The following GALNTL6 variants were observed in gnomAD, a reference collection of about 807,000 sequenced individuals.
GALNTL6 encodes polypeptide N-acetylgalactosaminyltransferase like 6, also known as polypeptide N-acetylgalactosaminyltransferase-like 6.
Under a neutral mutation model 73.7 loss-of-function variants are expected in GALNTL6, and 46 were observed. That is an observed-to-expected ratio of 0.62 (90% CI 0.49 to 0.80). GALNTL6 has a LOEUF of 0.80. GALNTL6 is among the 30% of genes least tolerant of loss of function. The pLI is 0.00. For synonymous variants in GALNTL6, 259 were observed against 263.7 expected, an observed-to-expected ratio of 0.98 and a Z score of 0.17; for missense variants, 604 against 755.0, an observed-to-expected ratio of 0.80 and a Z score of 2.34.
intron 2 of GALNTL6, among the ~76,000 whole-genome samples, chr4:171,986,857 G>A (rs189232536): frequency 5.6e-4 from 86 of 152,302 alleles, no homozygotes; most frequent in African/African-American, 2.0e-3. Flanking sequence ...TGCCAGCAGA[G>A]ATTATTTATT....
At chr4:172,569,501 A>G (rs1736683891) in intron 5 of GALNTL6, among the ~76,000 whole-genome samples, 1 of 152,194 alleles carries the variant, frequency 6.6e-6, no homozygotes, top group South Asian at 2.1e-4. Context: ...ATGATGAGGA[A>G]AAAGATTGGA....
At chr4:172,899,870 T>C (rs1318271979) in intron 8 of GALNTL6, among the ~76,000 whole-genome samples, 1 of 152,176 alleles carries the variant, frequency 6.6e-6, no homozygotes, top group Non-Finnish European at 1.5e-5. Flanking sequence ...CCATGGCATT[T>C]GTAAACTGTC....
At chr4:171,964,172 T>C (rs1421847536) in intron 2 of GALNTL6, among the ~76,000 whole-genome samples, 1 of 124,684 alleles carries the variant, frequency 8.0e-6, no homozygotes, top group Non-Finnish European at 1.7e-5. Flanking sequence ...CTGTAAGCAA[T>C]ACTTTTTTTT....
In GALNTL6 at chr4:172,725,506, C is replaced by G. The variant is rs115709249; in HGVS notation, c.554-83855C>G. The stretch of plus-strand genomic sequence containing the variant: ...AGGGGTTGTAATATAACTGGAGAGA[C>G]TCTTTATCAAAGATAATCAAAATTA... On this transcript the variant is annotated intron_variant, in intron 5 of 12. Transcript: ENST00000506823. 3.1e-3 allele frequency among the ~76,000 whole-genome samples: 477 copies of G among 152,260 alleles called. 3 individuals carry two copies. Among genetic ancestry groups the G allele is most frequent in the African/African-American group, 0.011 (450 of 41,546 alleles).
intron 10 of GALNTL6, among the ~76,000 whole-genome samples, chr4:172,984,718 G>T (rs1751220871): frequency 6.6e-6 from 1 of 152,094 alleles, no homozygotes; most frequent in African/African-American, 2.4e-5. Context: ...TCAGTATCAT[G>T]CAGTATCCTC....
chr4:172,144,712 C>T (rs1342088230), intron 2 of GALNTL6, among the ~76,000 whole-genome samples: 1 of 152,144 alleles, frequency 6.6e-6, no homozygotes, highest in Non-Finnish European at 1.5e-5. Flanking sequence ...TGTTTCCCAT[C>T]TTAAAAGCAA....
intron 9 of GALNTL6, among the ~76,000 whole-genome samples, chr4:172,940,582 C>T (rs1034174527): frequency 3.3e-5 from 5 of 151,854 alleles, no homozygotes; most frequent in East Asian, 3.9e-4. Context: ...AGGATGGTCT[C>T]GATCTCTTGA....
intron 2 of GALNTL6, among the ~76,000 whole-genome samples, chr4:172,126,205 G>A (rs1026041413): frequency 3.3e-5 from 5 of 152,074 alleles, no homozygotes; most frequent in Non-Finnish European, 7.4e-5. Flanking sequence ...TAAAACTTAA[G>A]AAGTCAATAA....
intron 5 of GALNTL6, among the ~76,000 whole-genome samples, chr4:172,418,975 T>G (rs963588713): frequency 3.3e-5 from 5 of 152,194 alleles, no homozygotes; most frequent in African/African-American, 1.2e-4. Flanking sequence ...ACTTTTTTAG[T>G]TATTTGTTTT....
At chr4:172,362,328 A>G (rs1400978828) in intron 5 of GALNTL6, among the ~76,000 whole-genome samples, 1 of 152,150 alleles carries the variant, frequency 6.6e-6, no homozygotes, top group Non-Finnish European at 1.5e-5. Context: ...AATTAATTTG[A>G]TAATTTAAGT....
chr4:172,470,333 AG>A (rs1732999641), intron 5 of GALNTL6, among the ~76,000 whole-genome samples: 1 of 152,190 alleles, frequency 6.6e-6, no homozygotes, highest in South Asian at 2.1e-4. Flanking sequence ...GCATTTACCT[AG>A]AAAAAACTTA....
rs541233315 is a variant in GALNTL6 at position 172,018,457 on chromosome 4, C to T, written c.138+203739C>T. ...GTTCCAGAGGGGAGTATGGCTGCCT[C>T]TGCTGTGCAGTATAGTTTGCCAGGG... On this transcript the variant is annotated intron_variant, in intron 2 of 12. Coordinates refer to ENST00000506823, the MANE Select transcript of GALNTL6 (RefSeq NM_001034845.3). Among the ~76,000 whole-genome samples the T allele has an allele frequency of 9.2e-5, 14 of 152,132 alleles. No individual in the cohort carries two copies. The South Asian group carries it at 2.5e-3, about 27-fold the overall frequency.
chr4:172,935,035 C>G lies in GALNTL6; in HGVS notation c.1149+3767C>G, dbSNP rs1748534597. On this transcript the variant is annotated intron_variant, in intron 9 of 12. Transcript: ENST00000506823. ...GATCTGTGACAGGTGGCTGTAACAGCAGGGACATGTCAGAAGTGGAGAGCA... is the reference window on the plus strand; with the variant it reads ...GATCTGTGACAGGTGGCTGTAACAGGAGGGACATGTCAGAAGTGGAGAGCA... Among the ~76,000 whole-genome samples the G allele has an allele frequency of 2.0e-5, 3 of 152,304 alleles. No individual in the cohort carries two copies. In the South Asian group the frequency reaches 6.2e-4, roughly 32 times the overall value.
chr4:172,731,331 T>C (rs1235432739), intron 5 of GALNTL6, among the ~76,000 whole-genome samples: 1 of 152,176 alleles, frequency 6.6e-6, no homozygotes, highest in Non-Finnish European at 1.5e-5. Context: ...TTTTTCATTG[T>C]GTTGGCATGT....
chr4:172,494,516 T>TA (rs1734005064), intron 5 of GALNTL6, among the ~76,000 whole-genome samples: 1 of 152,200 alleles, frequency 6.6e-6, no homozygotes, highest in Non-Finnish European at 1.5e-5. Flanking sequence ...GGGAGTTTAT[T>TA]GAGTATTGAC....
At chr4:171,875,633 C>A (rs1044055799) in intron 2 of GALNTL6, among the ~76,000 whole-genome samples, 11 of 151,992 alleles carry the variant, frequency 7.2e-5, no homozygotes, top group African/African-American at 2.4e-4. Flanking sequence ...CCATTTTGCC[C>A]CGTTTCCCTT....
At chr4:172,121,956 A>C (rs1038630147) in intron 2 of GALNTL6, among the ~76,000 whole-genome samples, 4 of 116,984 alleles carry the variant, frequency 3.4e-5, no homozygotes, top group Admixed American at 2.6e-4. Context: ...ATTAGGTGAC[A>C]CTTTTTTTTT....
chr4:172,788,812 T>G (rs1739829549), intron 5 of GALNTL6, among the ~76,000 whole-genome samples: 1 of 152,004 alleles, frequency 6.6e-6, no homozygotes, highest in African/African-American at 2.4e-5. Flanking sequence ...AGGGCACAGA[T>G]AGGCTGGTCT....
chr4:171,932,394 TA>T (rs1560847083), intron 2 of GALNTL6, among the ~76,000 whole-genome samples: 1 of 152,078 alleles, frequency 6.6e-6, no homozygotes, highest in Non-Finnish European at 1.5e-5. Flanking sequence ...CCGAGTGTTG[TA>T]AAAAAATAAA....
Sources: gnomAD v4.1 joint callset for allele counts (sites outside exome capture counted in the v4.1 genomes callset) on GRCh38, gnomAD v4.1.1 for gene constraint, MANE v1.5 for transcripts, NCBI Gene and HGNC (gene_info 2026-07-23, HGNC 2026-07-21) for gene names.